Variants in FLVCR2 observed in about 807,000 individuals in gnomAD.
FLVCR2 encodes choline/ethanolamine transporter FLVCR2.
In FLVCR2, 38 loss-of-function variants were observed where a neutral mutation model predicts 48.9. That is an observed-to-expected ratio of 0.78 (90% CI 0.60 to 1.02). FLVCR2 has a LOEUF of 1.02. Among genes scored for constraint, FLVCR2 ranks in the 50% least tolerant of loss-of-function variants. The pLI, the probability that FLVCR2 is intolerant of heterozygous loss-of-function variation, is 0.00. For synonymous variants in FLVCR2, 255 were observed against 257.0 expected, an observed-to-expected ratio of 0.99 and a Z score of 0.07; for missense variants, 664 against 663.3, an observed-to-expected ratio of 1.00 and a Z score of -0.01.
At chr14:75,639,160 G>A (rs966367072) in intron 5 of FLVCR2, among the ~76,000 whole-genome samples, 192 bp from the exon 6 acceptor site, 2 of 152,224 alleles carry the variant, frequency 1.3e-5, no homozygotes, top group Admixed American at 6.5e-5. Context: ...TCAGCGAGCT[G>A]TGATCACGCC....
Position 75,646,653 on chromosome 14 carries a change from A to G in FLVCR2, c.*181A>G. 6 of 641,934 alleles carry G rather than the reference A, an allele frequency of 9.3e-6. 1 individual carries two copies. In the South Asian group the frequency reaches 9.9e-5, roughly 11 times the overall value. 39.8% of individuals were successfully genotyped at this position (641,934 alleles called of 1,614,324 possible). A position where few individuals can be genotyped will look rare whatever the true frequency, so the allele number is the denominator to read the frequency against. The stretch of plus-strand genomic sequence containing the variant: ...GTAAGAGCTTGGATGATTTAGTTGG[A>G]GAAAATTGCACCTATCACCAAATGC... On this transcript the variant is annotated 3_prime_UTR_variant, in exon 10 of 10. Coordinates refer to ENST00000238667, the MANE Select transcript of FLVCR2 (RefSeq NM_017791.3).
At chr14:75,642,656 A>G (rs530468430) in intron 9 of FLVCR2, among the ~76,000 whole-genome samples, 1 of 152,204 alleles carries the variant, frequency 6.6e-6, no homozygotes, top group Non-Finnish European at 1.5e-5. Context: ...AAAATACAGA[A>G]AAGTGTACAA....
intron 3 of FLVCR2, chr14:75,633,056 T>C: frequency 1.5e-6 from 1 of 678,934 alleles, no homozygotes; most frequent in Admixed American, 2.2e-5. Flanking sequence ...GCTCCTTTGG[T>C]GAATGAATTG....
chr14:75,624,682 T>A lies in FLVCR2; in HGVS notation c.882T>A (p.Asp294Glu), dbSNP rs1157924253. Residue 294 changes from aspartate to glutamate, a missense_variant, in exon 3 of 10, where the codon GAT (aspartate) becomes GAA (glutamate). Asp to Glu is a conservative substitution (Grantham distance 45). Coordinates refer to ENST00000238667, the MANE Select transcript of FLVCR2 (RefSeq NM_017791.3). ...TGAGCTATGCCTTGACCTCTCCTGA[T>A]GCCTCATACTTAGGTTCCATCGCCC... ...QSLSYALTSPDASYLGSIARL... is the reference protein window; with the variant it reads ...QSLSYALTSPEASYLGSIARL... 6 of 1,614,172 alleles carry A rather than the reference T, an allele frequency of 3.7e-6. No homozygotes were observed. Among genetic ancestry groups the A allele is most frequent in the Non-Finnish European group, 5.1e-6 (6 of 1,180,014 alleles).
chr14:75,601,258 G>A (rs150044521), intron 1 of FLVCR2, among the ~76,000 whole-genome samples: 9,832 of 152,336 alleles, frequency 0.065, 988 homozygotes, highest in African/African-American at 0.21. Context: ...GCCTTTAAGC[G>A]GTTTTCCGCC....
At chr14:75,634,883 T>C in intron 4 of FLVCR2, 27 bp from the exon 5 acceptor site, 1 of 1,521,758 alleles carries the variant, frequency 6.6e-7, no homozygotes, top group Non-Finnish European at 9.1e-7. Flanking sequence ...CATCGCCGGG[T>C]GATCTTTGGG....
chr14:75,590,393 A>G (rs1888852397), intron 1 of FLVCR2, among the ~76,000 whole-genome samples: 1 of 152,220 alleles, frequency 6.6e-6, no homozygotes, highest in Non-Finnish European at 1.5e-5. Context: ...TATCCAAACC[A>G]TAGTATTCTG....
intron 1 of FLVCR2, among the ~76,000 whole-genome samples, chr14:75,613,676 G>A (rs10149872): frequency 0.086 from 13,037 of 151,994 alleles, 1,762 homozygotes; most frequent in African/African-American, 0.29. Flanking sequence ...TCAGCCTCTC[G>A]AGTAGCTGGG....
intron 1 of FLVCR2, among the ~76,000 whole-genome samples, chr14:75,609,946 A>G (rs1235988444): frequency 1.3e-5 from 2 of 152,142 alleles, no homozygotes; most frequent in African/African-American, 4.8e-5. Flanking sequence ...AGACCGGAGA[A>G]TCCCTCTGTT....
At chr14:75,615,702 G>A (rs1357782868) in intron 1 of FLVCR2, among the ~76,000 whole-genome samples, 3 of 151,914 alleles carry the variant, frequency 2.0e-5, no homozygotes, top group South Asian at 4.2e-4. Flanking sequence ...AAGCAGAAAG[G>A]AGAAGTGGGA....
intron 1 of FLVCR2, among the ~76,000 whole-genome samples, chr14:75,603,825 G>A (rs1043187682): frequency 3.3e-5 from 5 of 152,086 alleles, no homozygotes; most frequent in Non-Finnish European, 5.9e-5. Flanking sequence ...CCACTCCCTC[G>A]AGGGGTTGAG....
At chr14:75,619,594 GA>G (rs1157819425) in intron 1 of FLVCR2, among the ~76,000 whole-genome samples, 3 of 151,928 alleles carry the variant, frequency 2.0e-5, no homozygotes, top group Non-Finnish European at 4.4e-5. Flanking sequence ...TAAGAAGCAG[GA>G]AAAAAATATG....
chr14:75,594,318 C>G (rs1888964035), intron 1 of FLVCR2, among the ~76,000 whole-genome samples: 1 of 152,210 alleles, frequency 6.6e-6, no homozygotes, highest in Admixed American at 6.5e-5. Flanking sequence ...CAGAATTCCC[C>G]TTAATACTCC....
At chr14:75,640,776 CA>C in intron 6 of FLVCR2, 178 bp from the exon 7 acceptor site, 1 of 653,144 alleles carries the variant, frequency 1.5e-6, no homozygotes, top group Non-Finnish European at 2.8e-6. Flanking sequence ...TCCTGGCCTT[CA>C]GGGGTGCCCG....
chr14:75,634,688 A>G (rs1039563523), intron 4 of FLVCR2, among the ~76,000 whole-genome samples: 1 of 152,164 alleles, frequency 6.6e-6, no homozygotes, highest in Non-Finnish European at 1.5e-5. Context: ...CATCCTTGTC[A>G]CTCCAGCATC....
At chr14:75,622,361 TCA>T in intron 2 of FLVCR2, 141 bp downstream of exon 2, 1 of 900,678 alleles carries the variant, frequency 1.1e-6, no homozygotes, top group South Asian at 1.3e-5. Flanking sequence ...CTTATGGTCT[TCA>T]AATGTTTTAG....
At chr14:75,615,336 C>T (rs769847730) in intron 1 of FLVCR2, among the ~76,000 whole-genome samples, 3 of 152,084 alleles carry the variant, frequency 2.0e-5, no homozygotes, top group East Asian at 1.9e-4. Flanking sequence ...AGGAAGGACA[C>T]GCAGATGGAG....
chr14:75,639,463 G>T lies in FLVCR2; in HGVS notation c.1235+1G>T. ...TGTTCATCACTGCTGGCACAATGGG[G>T]TAAGTTTCACCTCTGGCTGATTTAT... On this transcript the variant is annotated splice_donor_variant, in intron 6 of 9. Coordinates refer to ENST00000238667, the MANE Select transcript of FLVCR2 (RefSeq NM_017791.3). LOFTEE classifies it high-confidence loss of function. 1.3e-6 allele frequency: 2 copies of T among 1,597,276 alleles called. No homozygotes were observed. The highest frequency in any genetic ancestry group is 8.6e-7 in the Non-Finnish European group (1 of 1,164,660).
intron 6 of FLVCR2, among the ~76,000 whole-genome samples, chr14:75,639,828 G>A (rs1216332533): frequency 1.3e-5 from 2 of 152,156 alleles, no homozygotes; most frequent in African/African-American, 4.8e-5. Context: ...TTAGACCATG[G>A]GCACAGCACT....
Sources: allele counts gnomAD v4.1 joint callset (sites outside exome capture counted in the v4.1 genomes callset), GRCh38; gene constraint gnomAD v4.1.1; transcripts MANE v1.5; gene names NCBI Gene and HGNC (gene_info 2026-07-23, HGNC 2026-07-21).